KATNA1: variants seen among roughly 807,000 people sequenced by gnomAD.
The protein encoded by KATNA1 is katanin catalytic subunit A1, also known as katanin p60 ATPase-containing subunit A1.
KATNA1 carries 42 observed loss-of-function variants against 62.6 expected under a neutral mutation model. The observed-to-expected ratio is 0.67, with a 90% CI of 0.52 to 0.87. The LOEUF (loss-of-function observed/expected upper bound fraction) is 0.87, where lower values mean the gene tolerates loss of function less well. Among genes scored for constraint, KATNA1 ranks in the 40% least tolerant of loss-of-function variants. The pLI is 0.00. For synonymous variants in KATNA1, 186 were observed against 201.9 expected, an observed-to-expected ratio of 0.92 and a Z score of 0.67; for missense variants, 498 against 612.5, an observed-to-expected ratio of 0.81 and a Z score of 1.97.
At chr6:149,597,701 C>G in intron 8 of KATNA1, 60 bp from the exon 9 acceptor site, 1 of 1,500,888 alleles carries the variant, frequency 6.7e-7, no homozygotes, top group Non-Finnish European at 9.2e-7. Context: ...CCAAATGAAG[C>G]TCAGCTATTT....
At chr6:149,617,455 G>C (rs1779205042) in intron 4 of KATNA1, among the ~76,000 whole-genome samples, 1 of 152,186 alleles carries the variant, frequency 6.6e-6, no homozygotes, top group Admixed American at 6.5e-5. Context: ...TTACAAAAAT[G>C]AAATACTTAG....
rs574095312 is a variant in KATNA1, at chr6:149,635,246, C to T, written c.163-2330G>A. Among the ~76,000 whole-genome samples the T allele has an allele frequency of 3.0e-4, 46 of 152,190 alleles. No homozygotes were observed. In the South Asian group the frequency reaches 8.9e-3, roughly 30 times the overall value. On this transcript the variant is annotated intron_variant, in intron 2 of 10. Coordinates refer to ENST00000367411, the MANE Select transcript of KATNA1 (RefSeq NM_007044.4). ...GAGCCATGATTGCACCACCATACTC[C>T]AGCCTGGGGAACAGACCGAGACTCT...
intron 9 of KATNA1, 59 bp downstream of exon 9, chr6:149,597,448 C>G: frequency 1.3e-6 from 2 of 1,587,992 alleles, no homozygotes; most frequent in Non-Finnish European, 1.7e-6. Flanking sequence ...ATTTTAAATT[C>G]TCTAAACAAA....
Position 149,595,148 on chromosome 6 carries a change from A to C in KATNA1, c.1364T>G (p.Met455Arg). 6.2e-7 allele frequency: 1 copy of C among 1,613,876 alleles called. No homozygotes were observed. The highest frequency in any genetic ancestry group is 8.5e-7 in the Non-Finnish European group (1 of 1,179,792). ...IRNLSKEEMHMPTTMEDFEMA... is the reference protein window; with the variant it reads ...IRNLSKEEMHRPTTMEDFEMA... ...CTCGAAATCCTCCATAGTTGTAGGC[A>C]TGTGCATTTCTTCTTTGGAAAGATT... is the stretch of plus-strand genomic sequence containing the variant. The change falls in exon 11 of 11, where the codon ATG becomes AGG. Residue 455 changes from methionine (M) to arginine (R), a missense_variant. Physicochemically the swap from Met to Arg is moderately conservative, Grantham distance 91 (BLOSUM62 -1). Coordinates refer to ENST00000367411, the MANE Select transcript of KATNA1 (RefSeq NM_007044.4).
chr6:149,599,593 CTG>C (rs1413147741), intron 7 of KATNA1, among the ~76,000 whole-genome samples: 1 of 152,096 alleles, frequency 6.6e-6, no homozygotes, highest in Non-Finnish European at 1.5e-5. Context: ...CTCCCTCTCT[CTG>C]TAACCTCTGC....
intron 4 of KATNA1, among the ~76,000 whole-genome samples, chr6:149,622,201 C>T (rs867545163): frequency 4.0e-5 from 6 of 151,152 alleles, no homozygotes; most frequent in African/African-American, 9.7e-5. Flanking sequence ...GGCGCGGTCT[C>T]GGCTCACTGC....
chr6:149,616,608 G>A (rs766993394), intron 4 of KATNA1, among the ~76,000 whole-genome samples: 11 of 152,126 alleles, frequency 7.2e-5, no homozygotes, highest in Non-Finnish European at 1.2e-4. Context: ...AAAAAAATTA[G>A]TCGGGCCTGG....
At chr6:149,647,155 T>G (rs1011557630) in intron 1 of KATNA1, among the ~76,000 whole-genome samples, 1 of 152,090 alleles carries the variant, frequency 6.6e-6, no homozygotes, top group Non-Finnish European at 1.5e-5. Context: ...CGTGTTTTTT[T>G]TTTTAAAGGT....
intron 4 of KATNA1, among the ~76,000 whole-genome samples, chr6:149,621,639 C>G (rs1779401187): frequency 6.6e-6 from 1 of 151,668 alleles, no homozygotes; most frequent in Non-Finnish European, 1.5e-5. Context: ...ATTATAGGTG[C>G]CTGCCAACAT....
chr6:149,597,450 C>G (rs767966662), intron 9 of KATNA1, 57 bp downstream of exon 9: 2 of 1,589,510 alleles, frequency 1.3e-6, no homozygotes, highest in Non-Finnish European at 1.7e-6. Context: ...TTTAAATTCT[C>G]TAAACAAAAC....
chr6:149,622,767 G>A (rs1338317346), intron 4 of KATNA1, among the ~76,000 whole-genome samples: 1 of 123,424 alleles, frequency 8.1e-6, no homozygotes, highest in African/African-American at 3.0e-5. Context: ...TGGCAGGGGG[G>A]CGGGGGGTGG....
intron 1 of KATNA1, among the ~76,000 whole-genome samples, chr6:149,647,521 CAAAAAAA>C (rs10719474): frequency 4.3e-5 from 2 of 46,858 alleles, no homozygotes; most frequent in African/African-American, 1.5e-4. Context: ...GACTCCGTCT[CAAAAAAA>C]AAAAAAAAAA....
chr6:149,604,679 T>G lies in KATNA1; in HGVS notation c.605A>C (p.Gln202Pro). Residue 202 changes from glutamine to proline, a missense_variant, in exon 5 of 11, where the codon CAG becomes CCG. Transcript: ENST00000367411. Reference protein sequence around the residue: ...VEALERDIISQNPNVRWDDIA... With the variant: ...VEALERDIISPNPNVRWDDIA... ...AACTTACCATCGAACATTGGGATTC[T>G]GGGAAATTATATCTCTTTCCAAAGC... The G allele has an allele frequency of 6.2e-7, 1 of 1,613,730 alleles. No individual in the cohort carries two copies. The highest frequency in any genetic ancestry group is 1.1e-5 in the South Asian group (1 of 91,076).
intron 4 of KATNA1, among the ~76,000 whole-genome samples, chr6:149,616,020 T>C (rs967489420): frequency 2.6e-5 from 4 of 152,106 alleles, no homozygotes; most frequent in African/African-American, 9.7e-5. Context: ...AGTAGCCGAA[T>C]TCACAGAGAG....
chr6:149,596,547 A>G (rs1778319153), intron 10 of KATNA1, among the ~76,000 whole-genome samples: 1 of 151,932 alleles, frequency 6.6e-6, no homozygotes, highest in Non-Finnish European at 1.5e-5. Flanking sequence ...AAAACAAAAC[A>G]AAACTGGAAT....
chr6:149,638,717 T>TG, intron 1 of KATNA1, 157 bp from the exon 2 acceptor site: 1 of 272,588 alleles, frequency 3.7e-6, no homozygotes, highest in Non-Finnish European at 6.5e-6. Flanking sequence ...TTCACTCCTT[T>TG]AAAAAAAACA....
chr6:149,618,047 C>A, intron 4 of KATNA1, among the ~76,000 whole-genome samples: 1 of 145,944 alleles, frequency 6.9e-6, no homozygotes, highest in South Asian at 2.1e-4. Flanking sequence ...CCCAGCTACT[C>A]GGCAGGCTGA....
At chr6:149,595,286 A>C in intron 10 of KATNA1, 52 bp from the exon 11 acceptor site, 1 of 1,478,834 alleles carries the variant, frequency 6.8e-7, no homozygotes. Flanking sequence ...ACTTTGGTTA[A>C]ATGAAAACCT....
intron 3 of KATNA1, among the ~76,000 whole-genome samples, chr6:149,624,633 G>T (rs1779533762): frequency 6.6e-6 from 1 of 151,880 alleles, no homozygotes. Context: ...TCCCACCTTG[G>T]CCTCCCAAAG....
Sources: allele counts gnomAD v4.1 joint callset (sites outside exome capture counted in the v4.1 genomes callset), GRCh38; gene constraint gnomAD v4.1.1; transcripts MANE v1.5; gene names NCBI Gene and HGNC (gene_info 2026-07-23, HGNC 2026-07-21).